ARAP2: variants seen among roughly 807,000 people sequenced by gnomAD.
ARAP2 encodes ArfGAP with RhoGAP domain, ankyrin repeat and PH domain 2, also known as arf-GAP with Rho-GAP domain, ANK repeat and PH domain-containing protein 2.
In ARAP2, 148 loss-of-function variants were observed where a neutral mutation model predicts 194.5. The ratio of observed to expected loss-of-function variants is 0.76; its 90% CI spans 0.67 to 0.87. The LOEUF is 0.87. ARAP2 is among the 40% of genes least tolerant of loss of function. ARAP2 has a pLI of 0.00. For synonymous variants in ARAP2, 695 were observed against 683.5 expected (o/e 1.02, Z -0.26); for missense variants, 2,128 against 1,989.7 (o/e 1.07, Z -1.32).
At position 36,073,723 on chromosome 4, in the gene ARAP2, T is replaced by G; in HGVS notation, c.4709A>C (p.Glu1570Ala). 1.2e-6 allele frequency: 2 copies of G among 1,612,992 alleles called. No homozygotes were observed. Among genetic ancestry groups the G allele is most frequent in the Non-Finnish European group, 1.7e-6 (2 of 1,179,226 alleles). ...TTTCCGGGCCAAGGTTGCATTCCCCTCATGCTGTATAGGAATCAGAGGCAA... is the reference window on the plus strand; with the variant it reads ...TTTCCGGGCCAAGGTTGCATTCCCCGCATGCTGTATAGGAATCAGAGGCAA... ...GGLPLIPIQH[E>A]GNATLARKNI... Residue 1570 changes from glutamate (E) to alanine (A), a missense_variant, in exon 32 of 33, where the codon GAG becomes GCG. By Grantham distance (107) the Glu-to-Ala change is moderately radical. Transcript: ENST00000303965.
intron 9 of ARAP2, among the ~76,000 whole-genome samples, chr4:36,009,613 A>T (rs1374841089): frequency 6.6e-6 from 1 of 152,132 alleles, no homozygotes; most frequent in Admixed American, 6.6e-5. Flanking sequence ...ATACCTTTGT[A>T]TCAGATCTGC....
chr4:36,229,367 T>C lies in ARAP2; in HGVS notation c.120A>G (p.Ala40=). 6.2e-7 allele frequency: 1 copy of C among 1,614,124 alleles called. No homozygotes were observed. Among genetic ancestry groups the C allele is most frequent in the African/African-American group, 1.3e-5 (1 of 75,050 alleles). Residue 40 remains alanine (A), a synonymous_variant, in exon 2 of 33, where the codon GCA becomes GCG. Transcript: ENST00000303965. The part of the protein sequence containing the change: ...SGFTTVKDCA[A]INDSLLQKIG... ...TTTTCTGCAGCAGGCTGTCATTTAT[T>C]GCTGCACAGTCCTTCACAGTAGTAA...
At chr4:36,241,443 G>C (rs541956597) in intron 1 of ARAP2, among the ~76,000 whole-genome samples, 1 of 152,094 alleles carries the variant, frequency 6.6e-6, no homozygotes, top group African/African-American at 2.4e-5. Context: ...AACACTACTC[G>C]CTCCAAGATA....
intron 5 of ARAP2, among the ~76,000 whole-genome samples, chr4:36,033,494 GTT>G (rs34926829): frequency 2.5e-4 from 37 of 147,446 alleles, no homozygotes; most frequent in Admixed American, 1.6e-3. Context: ...CAATGGGGTC[GTT>G]TTTTTTTTTC....
chr4:36,083,069 G>T (rs1729955790), intron 29 of ARAP2, among the ~76,000 whole-genome samples: 1 of 152,066 alleles, frequency 6.6e-6, no homozygotes, highest in Non-Finnish European at 1.5e-5. Context: ...ATGAGATGCA[G>T]AGGAAGCCAT....
intron 25 of ARAP2, among the ~76,000 whole-genome samples, 184 bp from the exon 26 acceptor site, chr4:36,114,471 A>G (rs1236680937): frequency 1.3e-5 from 2 of 152,036 alleles, no homozygotes; most frequent in African/African-American, 4.8e-5. Context: ...TAAAATGTAC[A>G]TAAGTACAAA....
At chr4:36,045,810 A>C (rs1270773864) in intron 5 of ARAP2, among the ~76,000 whole-genome samples, 1 of 152,192 alleles carries the variant, frequency 6.6e-6, no homozygotes, top group African/African-American at 2.4e-5. Flanking sequence ...TTGTACCCCA[A>C]AAAGATATGC....
At chr4:36,147,851 T>G in intron 17 of ARAP2, 105 bp from the exon 18 acceptor site, 1 of 1,012,430 alleles carries the variant, frequency 9.9e-7, no homozygotes. Flanking sequence ...AGTTTTTCAA[T>G]TTTAAAGATT....
rs1189096978 is a variant in ARAP2 at position 36,114,225 on chromosome 4, A to C, written c.4101T>G (p.Ile1367Met). 6.2e-7 allele frequency: 1 copy of C among 1,603,946 alleles called. No individual in the cohort carries two copies. Among genetic ancestry groups the C allele is most frequent in the Middle Eastern group, 1.7e-4 (1 of 6,018 alleles). The change falls in exon 26 of 33, where the codon ATT becomes ATG. Residue 1367 changes from isoleucine to methionine, a missense_variant. Ile to Met is a conservative substitution (Grantham distance 10, BLOSUM62 1). Transcript: ENST00000303965. ...TGGCCCAAATATCACCTTTTGTAGG[A>C]ATAATATTTTTTATCGCTAATATAT... ...TNDILAIKNI[I>M]PTKGDIWATF...
At chr4:36,206,805 T>C (rs1745630540) in intron 6 of ARAP2, among the ~76,000 whole-genome samples, 1 of 152,200 alleles carries the variant, frequency 6.6e-6, no homozygotes, top group Admixed American at 6.5e-5. Context: ...CATGATCAAC[T>C]TTTAGCTGTC....
chr4:36,029,608 T>C (rs981787243), intron 5 of ARAP2, among the ~76,000 whole-genome samples: 1 of 152,196 alleles, frequency 6.6e-6, no homozygotes, highest in Middle Eastern at 3.4e-3. Flanking sequence ...TTTCTACTTA[T>C]GAATATGGTT....
intron 6 of ARAP2, among the ~76,000 whole-genome samples, chr4:36,197,974 C>T (rs1168215838): frequency 3.9e-5 from 6 of 152,148 alleles, no homozygotes; most frequent in African/African-American, 1.2e-4. Context: ...TCACCCATAA[C>T]ATGATGAGAA....
At chr4:36,179,288 T>C (rs1439863909) in intron 8 of ARAP2, among the ~76,000 whole-genome samples, 1 of 151,548 alleles carries the variant, frequency 6.6e-6, no homozygotes, top group East Asian at 1.9e-4. Context: ...TTTAGGAGAG[T>C]GAAAAAAATT....
chr4:36,228,636 A>G lies in ARAP2; in HGVS notation c.851T>C (p.Leu284Pro). The G allele has an allele frequency of 6.2e-7, 1 of 1,614,032 alleles. No individual in the cohort carries two copies. The highest frequency in any genetic ancestry group is 8.5e-7 in the Non-Finnish European group (1 of 1,179,924). ...AATCTCTGGTACAGGTCGATGTCTT[A>G]GCAGAAAAGATCGAGATGGTCTTGA... ...LVSRPSRSFLLRHRPVPEIPG... is the reference protein window; with the variant it reads ...LVSRPSRSFLPRHRPVPEIPG... The change falls in exon 2 of 33, where the codon CTA (leucine) becomes CCA (proline). Residue 284 changes from leucine (L) to proline (P), a missense_variant. By Grantham distance (98) the Leu-to-Pro change is moderately conservative. Coordinates refer to ENST00000303965, the MANE Select transcript of ARAP2 (RefSeq NM_015230.4).
intron 6 of ARAP2, among the ~76,000 whole-genome samples, chr4:36,210,015 G>A (rs551508459): frequency 1.3e-5 from 2 of 152,274 alleles, no homozygotes; most frequent in South Asian, 4.1e-4. Context: ...TATGATATGA[G>A]CAAAAGCCAA....
At chr4:36,198,978 CAGTGGGAGGCCTGG>C (rs928137119) in intron 6 of ARAP2, among the ~76,000 whole-genome samples, 2 of 152,174 alleles carry the variant, frequency 1.3e-5, no homozygotes, top group Non-Finnish European at 2.9e-5. Flanking sequence ...CTGTCTGCTC[CAGTGGGAGGCCTGG>C]AGTGGGAGGC....
intron 6 of ARAP2, among the ~76,000 whole-genome samples, chr4:36,018,619 T>A (rs371412050): frequency 6.6e-6 from 1 of 152,202 alleles, no homozygotes; most frequent in African/African-American, 2.4e-5. Flanking sequence ...CTTATATTCA[T>A]GCAAATATGA....
At chr4:36,137,396 C>T (rs1485792110) in intron 19 of ARAP2, among the ~76,000 whole-genome samples, 3 of 151,910 alleles carry the variant, frequency 2.0e-5, no homozygotes, top group South Asian at 2.1e-4. Flanking sequence ...AATGCATAAT[C>T]GCACATATGT....
downstream of ARAP2, among the ~76,000 whole-genome samples, chr4:36,064,319 C>A (rs1449592467): frequency 6.6e-6 from 1 of 151,954 alleles, no homozygotes; most frequent in Non-Finnish European, 1.5e-5. Context: ...AATAAGCCAC[C>A]TCTGACCCTA....
Sources: gnomAD v4.1 joint callset for allele counts (sites outside exome capture counted in the v4.1 genomes callset) on GRCh38, gnomAD v4.1.1 for gene constraint, MANE v1.5 for transcripts, NCBI Gene and HGNC (gene_info 2026-07-23, HGNC 2026-07-21) for gene names.